The following SESTD1 variants were observed in gnomAD, a reference collection of about 807,000 sequenced individuals.
SESTD1 encodes SEC14 domain and spectrin repeat-containing protein 1.
A neutral mutation model predicts 101.7 loss-of-function variants in SESTD1; 43 were observed. The ratio of observed to expected loss-of-function variants is 0.42; its 90% CI spans 0.33 to 0.55. The LOEUF (loss-of-function observed/expected upper bound fraction) is 0.55, where lower values mean the gene tolerates loss of function less well. SESTD1 is among the 20% of genes least tolerant of loss of function. The probability of loss-of-function intolerance (pLI) is 0.07; values close to 1 mark genes in which losing one functional copy is unlikely to be tolerated. For synonymous variants in SESTD1, 283 were observed against 286.8 expected (o/e 0.99, Z 0.13); for missense variants, 647 against 815.1 (o/e 0.79, Z 2.51).
At chr2:179,258,606 A>G (rs1273782011) in intron 1 of SESTD1, among the ~76,000 whole-genome samples, 1 of 152,210 alleles carries the variant, frequency 6.6e-6, no homozygotes, top group Non-Finnish European at 1.5e-5. Flanking sequence ...TCTTTCCAAG[A>G]ATGTGCAGTT....
chr2:179,143,291 A>T (rs985668259), intron 9 of SESTD1, among the ~76,000 whole-genome samples: 3 of 152,190 alleles, frequency 2.0e-5, no homozygotes, highest in Non-Finnish European at 4.4e-5. Context: ...ATCAAGTATC[A>T]ATAATGAAAT....
chr2:179,251,278 G>A (rs1040814567), intron 1 of SESTD1, among the ~76,000 whole-genome samples: 3 of 152,200 alleles, frequency 2.0e-5, no homozygotes, highest in Non-Finnish European at 4.4e-5. Flanking sequence ...GGGTGAGAAG[G>A]AACTGGGTGT....
At chr2:179,250,220 CACAA>C (rs2047295570) in intron 1 of SESTD1, among the ~76,000 whole-genome samples, 2 of 151,968 alleles carry the variant, frequency 1.3e-5, no homozygotes, top group East Asian at 1.9e-4. Context: ...GGGCAGAAGT[CACAA>C]ACAGACAACT....
chr2:179,262,264 C>G (rs2047493463), intron 1 of SESTD1, among the ~76,000 whole-genome samples: 1 of 152,132 alleles, frequency 6.6e-6, no homozygotes, highest in Non-Finnish European at 1.5e-5. Flanking sequence ...TAATAACGTT[C>G]TTGGATTAGT....
chr2:179,163,971 C>T (rs1411768055), intron 5 of SESTD1, among the ~76,000 whole-genome samples: 1 of 152,172 alleles, frequency 6.6e-6, no homozygotes. Context: ...AAACCTACCA[C>T]TGAAACTTGC....
chr2:179,147,985 T>C (rs1282740236), intron 7 of SESTD1, among the ~76,000 whole-genome samples: 4 of 152,226 alleles, frequency 2.6e-5, no homozygotes, highest in East Asian at 3.8e-4. Context: ...CAATCACATA[T>C]TTATATACAT....
intron 5 of SESTD1, among the ~76,000 whole-genome samples, chr2:179,170,694 G>C (rs1050769743): frequency 6.6e-6 from 1 of 152,150 alleles, no homozygotes; most frequent in African/African-American, 2.4e-5. Flanking sequence ...TCACCAAAAA[G>C]ACCAAGGCAT....
rs1470299129 is a variant in SESTD1, at chr2:179,116,761, A to G, written c.1554T>C (p.Asp518=). 1.9e-6 allele frequency: 3 copies of G among 1,613,934 alleles called. No individual in the cohort carries two copies. The highest frequency in any genetic ancestry group is 1.3e-5 in the African/African-American group (1 of 74,942). ...ATCTGATGTGAGTCTTAAGCAGAGCATCCAGAAGTTCACTTAGCCATTCTA... is the reference window on the plus strand; with the variant it reads ...ATCTGATGTGAGTCTTAAGCAGAGCGTCCAGAAGTTCACTTAGCCATTCTA... ...QAVEWLSELL[D]ALLKTHIRLG... is the part of the protein sequence containing the mutation. The change falls in exon 15 of 18, where the codon GAT becomes GAC. Residue 518 remains aspartate (D), a synonymous_variant. Transcript: ENST00000428443.
At chr2:179,130,797 A>C (rs1464943315) in intron 10 of SESTD1, among the ~76,000 whole-genome samples, 3 of 151,964 alleles carry the variant, frequency 2.0e-5, no homozygotes, top group Non-Finnish European at 4.4e-5. Flanking sequence ...CAAATTGTAG[A>C]CTCTAACTAT....
intron 1 of SESTD1, among the ~76,000 whole-genome samples, chr2:179,249,027 G>C (rs552230209): frequency 6.7e-6 from 1 of 149,964 alleles, no homozygotes; most frequent in East Asian, 2.0e-4. Context: ...GGAGGTCAAG[G>C]CTGCACTGAG....
At chr2:179,148,163 T>C (rs1247607740) in intron 7 of SESTD1, among the ~76,000 whole-genome samples, 5 of 152,240 alleles carry the variant, frequency 3.3e-5, no homozygotes, top group African/African-American at 1.2e-4. Flanking sequence ...CTTGAAAACT[T>C]GATATGTGAC....
intron 6 of SESTD1, 79 bp downstream of exon 6, chr2:179,151,199 A>T: frequency 1.1e-6 from 1 of 945,390 alleles, no homozygotes; most frequent in Non-Finnish European, 1.5e-6. Context: ...TCTATATTTT[A>T]ATAGACTAAA....
chr2:179,200,849 G>A (rs2046498620), intron 1 of SESTD1, among the ~76,000 whole-genome samples: 1 of 133,938 alleles, frequency 7.5e-6, no homozygotes, highest in African/African-American at 3.0e-5. Flanking sequence ...TACCATTCAG[G>A]ACATAGGCAT....
intron 1 of SESTD1, 81 bp from the exon 2 acceptor site, chr2:179,191,947 A>G: frequency 1.0e-6 from 1 of 988,272 alleles, no homozygotes; most frequent in South Asian, 1.4e-5. Flanking sequence ...TTTATCCCAG[A>G]GTTTCTAAAC....
intron 17 of SESTD1, among the ~76,000 whole-genome samples, chr2:179,111,773 G>A (rs904861716): frequency 1.1e-4 from 16 of 148,408 alleles, no homozygotes; most frequent in African/African-American, 3.0e-4. Context: ...AGGCTGGAGC[G>A]CAGTGGCGTG....
Position 179,108,712 on chromosome 2 carries a change from T to C in SESTD1, c.*1187A>G, listed in dbSNP as rs552626638. 557 of 152,142 alleles carry C rather than the reference T, an allele frequency of 3.7e-3. 6 individuals carry two copies. Among genetic ancestry groups the C allele is most frequent in the African/African-American group, 0.013 (525 of 41,552 alleles). The allele number at this position is 152,142 out of a possible 1,614,324, so 9.4% of individuals were successfully genotyped here. A position where few individuals can be genotyped will look rare whatever the true frequency, so the allele number is the denominator to read the frequency against. On this transcript the variant is annotated 3_prime_UTR_variant, in exon 18 of 18. Transcript: ENST00000428443. ...TACAAGACTAAAAAATAATTTTTAA[T>C]ATTTTAAAAAATGTTCTGAAATAAA...
intron 1 of SESTD1, among the ~76,000 whole-genome samples, chr2:179,248,707 A>G (rs73045866): frequency 0.02 from 3,042 of 152,220 alleles, 108 homozygotes; most frequent in African/African-American, 0.068. Flanking sequence ...GACTTCATCA[A>G]CTTGATGAAG....
chr2:179,182,421 G>T (rs1307936696), intron 3 of SESTD1, among the ~76,000 whole-genome samples: 8 of 152,120 alleles, frequency 5.3e-5, no homozygotes, highest in African/African-American at 1.9e-4. Context: ...ATCTCTGGAA[G>T]TGAACCCTCC....
chr2:179,183,852 G>A (rs1331577574), intron 2 of SESTD1, among the ~76,000 whole-genome samples: 1 of 145,146 alleles, frequency 6.9e-6, no homozygotes, highest in Non-Finnish European at 1.5e-5. Context: ...GAGAGAGAGA[G>A]AGAGGAAGAG....
Sources: allele counts gnomAD v4.1 joint callset (sites outside exome capture counted in the v4.1 genomes callset), GRCh38; gene constraint gnomAD v4.1.1; transcripts MANE v1.5; gene names NCBI Gene and HGNC (gene_info 2026-07-23, HGNC 2026-07-21).